The following SPOCK3 variants were observed in gnomAD, a reference collection of about 807,000 sequenced individuals.
SPOCK3 encodes the protein testican-3.
A neutral mutation model predicts 56.6 loss-of-function variants in SPOCK3; 30 were observed. The observed-to-expected ratio is 0.53, with a 90% CI of 0.40 to 0.72. The LOEUF (loss-of-function observed/expected upper bound fraction) is 0.72, where lower values mean the gene tolerates loss of function less well. Among genes scored for constraint, SPOCK3 ranks in the 30% least tolerant of loss-of-function variants. The pLI, the probability that SPOCK3 is intolerant of heterozygous loss-of-function variation, is 0.00. For missense variants in SPOCK3, 527 were observed against 530.0 expected, an observed-to-expected ratio of 0.99 and a Z score of 0.06; for synonymous variants, 196 against 183.3, an observed-to-expected ratio of 1.07 and a Z score of -0.56.
intron 6 of SPOCK3, among the ~76,000 whole-genome samples, chr4:166,864,869 T>A (rs1438286058): frequency 6.6e-6 from 1 of 152,020 alleles, no homozygotes; most frequent in Non-Finnish European, 1.5e-5. Flanking sequence ...GAGGATCTGG[T>A]ACCATTCCTT....
rs139703721 is a variant in SPOCK3 at position 166,886,092 on chromosome 4, G to A, written c.589+3038C>T. 7.1e-4 allele frequency among the ~76,000 whole-genome samples: 108 copies of A among 152,072 alleles called. No individual in the cohort carries two copies. The East Asian group carries it at 0.015, about 22-fold the overall frequency. On this transcript the variant is annotated intron_variant, in intron 6 of 10. Coordinates refer to ENST00000357545, the MANE Select transcript of SPOCK3 (RefSeq NM_001040159.2). ...CAAGTCCTTTCTAATTCTTAGGATT[G>A]CATTTTATACACATACATAAAATCT...
intron 7 of SPOCK3, among the ~76,000 whole-genome samples, chr4:166,778,424 C>G (rs939676254): frequency 6.6e-6 from 1 of 152,042 alleles, no homozygotes; most frequent in Non-Finnish European, 1.5e-5. Flanking sequence ...CATTTCAAAA[C>G]CTATTCTGAA....
chr4:167,015,369 A>C (rs1750517976), intron 3 of SPOCK3, among the ~76,000 whole-genome samples: 1 of 152,152 alleles, frequency 6.6e-6, no homozygotes, highest in Admixed American at 6.6e-5. Flanking sequence ...CAATAATAAT[A>C]CTGGCTAAAG....
intron 7 of SPOCK3, 102 bp from the exon 8 acceptor site, chr4:166,754,831 T>C (rs1224852094): frequency 1.2e-5 from 12 of 1,003,160 alleles, no homozygotes; most frequent in Admixed American, 2.1e-5. Flanking sequence ...GGACATCTAA[T>C]GAATAGTTAG....
intron 2 of SPOCK3, among the ~76,000 whole-genome samples, chr4:167,069,132 A>C (rs542982230): frequency 4.6e-5 from 7 of 151,918 alleles, no homozygotes; most frequent in Non-Finnish European, 8.8e-5. Flanking sequence ...ACTCATAACA[A>C]AAGATGAATT....
intron 3 of SPOCK3, among the ~76,000 whole-genome samples, chr4:167,044,714 T>C (rs954032991): frequency 6.6e-6 from 1 of 152,120 alleles, no homozygotes; most frequent in African/African-American, 2.4e-5. Flanking sequence ...ACACATACTT[T>C]GGAATTTTCT....
At position 166,884,513 on chromosome 4, in the gene SPOCK3, T is replaced by G. The variant is rs543542117; in HGVS notation, c.589+4617A>C. Among the ~76,000 whole-genome samples the G allele has an allele frequency of 4.6e-5, 7 of 152,116 alleles. No homozygotes were observed. In the East Asian group the frequency reaches 9.6e-4, roughly 21 times the overall value. On this transcript the variant is annotated intron_variant, in intron 6 of 10. Coordinates refer to ENST00000357545, the MANE Select transcript of SPOCK3 (RefSeq NM_001040159.2). ...TATAGAAAAAATTAAATCTCTTCAA[T>G]TTTTACCACCCAATATGATGTTAAA...
intron 2 of SPOCK3, among the ~76,000 whole-genome samples, chr4:167,163,657 C>G (rs1580483884): frequency 6.6e-6 from 1 of 151,974 alleles, no homozygotes; most frequent in South Asian, 2.1e-4. Context: ...TAATTTTAAG[C>G]TCCTACAAAT....
At chr4:166,881,466 A>T (rs1402435301) in intron 6 of SPOCK3, among the ~76,000 whole-genome samples, 1 of 151,980 alleles carries the variant, frequency 6.6e-6, no homozygotes. Flanking sequence ...TATTTTACAG[A>T]AAAAGAATTC....
chr4:166,736,721 G>GTGTGTGTGTGCGCA (rs1560801294), intron 10 of SPOCK3, among the ~76,000 whole-genome samples: 4 of 148,166 alleles, frequency 2.7e-5, no homozygotes, highest in African/African-American at 9.8e-5. Context: ...GTGTGTGCGC[G>GTGTGTGTGTGCGCA]TGTGTGTGTC....
chr4:166,748,097 G>T (rs1735887534), intron 8 of SPOCK3, among the ~76,000 whole-genome samples: 1 of 151,398 alleles, frequency 6.6e-6, no homozygotes, highest in African/African-American at 2.4e-5. Flanking sequence ...TCCCCTTCAA[G>T]CTACCAATGA....
At chr4:166,951,665 T>C (rs1262107278) in intron 4 of SPOCK3, among the ~76,000 whole-genome samples, 2 of 139,862 alleles carry the variant, frequency 1.4e-5, no homozygotes, top group Non-Finnish European at 3.0e-5. Context: ...TTGATGAACA[T>C]TGATGCAAAA....
intron 5 of SPOCK3, among the ~76,000 whole-genome samples, chr4:166,892,754 G>A (rs564265855): frequency 6.6e-6 from 1 of 152,118 alleles, no homozygotes; most frequent in South Asian, 2.1e-4. Flanking sequence ...CTTAAGTTAC[G>A]AGTTCTTGTG....
chr4:167,143,007 A>G (rs1763658663), intron 2 of SPOCK3, among the ~76,000 whole-genome samples: 1 of 151,968 alleles, frequency 6.6e-6, no homozygotes, highest in Non-Finnish European at 1.5e-5. Flanking sequence ...GTATTTAGAA[A>G]TATAGAGATG....
chr4:166,780,612 T>TA (rs1258676143), intron 7 of SPOCK3, among the ~76,000 whole-genome samples: 2 of 152,112 alleles, frequency 1.3e-5, no homozygotes, highest in Admixed American at 6.6e-5. Context: ...GGAAAAGAGT[T>TA]AAAAACACAG....
At chr4:166,795,004 C>T (rs562267665) in intron 6 of SPOCK3, among the ~76,000 whole-genome samples, 27 of 152,176 alleles carry the variant, frequency 1.8e-4, no homozygotes, top group South Asian at 6.2e-4. Context: ...ATTTAAATTG[C>T]GCTATGTTGT....
chr4:167,078,158 G>T (rs747903037), intron 2 of SPOCK3, among the ~76,000 whole-genome samples: 6 of 151,798 alleles, frequency 4.0e-5, no homozygotes, highest in African/African-American at 4.8e-5. Context: ...TCATGCAGAA[G>T]TACTAACAAA....
At chr4:166,885,788 C>T (rs1734127200) in intron 6 of SPOCK3, among the ~76,000 whole-genome samples, 1 of 151,842 alleles carries the variant, frequency 6.6e-6, no homozygotes. Flanking sequence ...TATATAAAAC[C>T]ATAAAACTCA....
chr4:167,229,949 T>A (rs554046519), intron 2 of SPOCK3, among the ~76,000 whole-genome samples: 56 of 152,080 alleles, frequency 3.7e-4, no homozygotes, highest in Non-Finnish European at 6.9e-4. Flanking sequence ...CAGGTATTTT[T>A]ATTGAAAAAC....
Sources: gnomAD v4.1 joint callset for allele counts (sites outside exome capture counted in the v4.1 genomes callset) on GRCh38, gnomAD v4.1.1 for gene constraint, MANE v1.5 for transcripts, NCBI Gene and HGNC (gene_info 2026-07-23, HGNC 2026-07-21) for gene names.